The following MICU1 variants were observed in gnomAD, a reference collection of about 807,000 sequenced individuals.
MICU1 encodes mitochondrial calcium uptake 1.
A neutral mutation model predicts 56.8 loss-of-function variants in MICU1; 45 were observed. The observed-to-expected ratio is 0.79, with a 90% CI of 0.62 to 1.02. The LOEUF (loss-of-function observed/expected upper bound fraction) is 1.02, where lower values mean the gene tolerates loss of function less well. MICU1 is among the 50% of genes least tolerant of loss of function. MICU1 has a pLI of 0.00. For synonymous variants in MICU1, 186 were observed against 195.1 expected, an observed-to-expected ratio of 0.95 and a Z score of 0.39; for missense variants, 504 against 587.1, an observed-to-expected ratio of 0.86 and a Z score of 1.46.
chr10:72,458,148 A>G (rs1016465035), intron 8 of MICU1, among the ~76,000 whole-genome samples: 1 of 151,966 alleles, frequency 6.6e-6, no homozygotes, highest in East Asian at 1.9e-4. Flanking sequence ...CCTGGGCAAC[A>G]AGAGTAAAAA....
intron 1 of MICU1, among the ~76,000 whole-genome samples, chr10:72,610,696 A>C (rs985500252): frequency 2.0e-5 from 3 of 152,204 alleles, no homozygotes; most frequent in Non-Finnish European, 4.4e-5. Flanking sequence ...ATAAACACAC[A>C]GACATCACTG....
At chr10:72,575,438 G>A (rs542309198) in intron 1 of MICU1, among the ~76,000 whole-genome samples, 9 of 152,118 alleles carry the variant, frequency 5.9e-5, no homozygotes, top group African/African-American at 2.2e-4. Flanking sequence ...TTCAAATAAA[G>A]GCATACCTCA....
In MICU1 at chr10:72,566,617, G is replaced by A. The variant is rs1225716687; in HGVS notation, c.161+16C>T. 3 of 1,606,152 alleles carry A rather than the reference G, an allele frequency of 1.9e-6. No individual in the cohort carries two copies. Among genetic ancestry groups the A allele is most frequent in the East Asian group, 2.2e-5 (1 of 44,712 alleles). On this transcript the variant is annotated intron_variant, in intron 2 of 11. Coordinates refer to ENST00000361114, the MANE Select transcript of MICU1 (RefSeq NM_001195518.2). ...TAAAAGTATACGCAAGAACAAGATG[G>A]TTGGATAACACTCACCTCTTCCACA...
rs71018289 is a variant in MICU1 at position 72,448,193 on chromosome 10, ATTT to A, written c.934-24825_934-24823del. Among the ~76,000 whole-genome samples the A allele has an allele frequency of 8.2e-3, 301 of 36,796 alleles. 2 individuals carry two copies. The highest frequency in any genetic ancestry group is 0.038 in the Middle Eastern group (1 of 26). The allele number at this position is 36,796 out of a possible 152,430, so 24.1% of individuals were successfully genotyped here. A position where few individuals can be genotyped will look rare whatever the true frequency, so the allele number is the denominator to read the frequency against. On this transcript the variant is annotated intron_variant, in intron 8 of 11. Transcript: ENST00000361114. ...TGTGTGTATATATATATATATATAT[ATTT>A]TTTTTTTTTTTTTTTTTTTTTGAGA... is the stretch of plus-strand genomic sequence containing the variant.
At chr10:72,373,503 T>C (rs1434792339) in intron 11 of MICU1, among the ~76,000 whole-genome samples, 3 of 152,182 alleles carry the variant, frequency 2.0e-5, no homozygotes, top group Non-Finnish European at 4.4e-5. Flanking sequence ...CCTAAGATCT[T>C]GCAGTGGTAA....
intron 9 of MICU1, among the ~76,000 whole-genome samples, chr10:72,415,298 G>A (rs776873132): frequency 2.4e-4 from 36 of 152,090 alleles, no homozygotes; most frequent in Non-Finnish European, 4.6e-4. Flanking sequence ...TTACAGGCGT[G>A]AGTCACTGCG....
rs150908176 is a variant in MICU1 at position 72,597,323 on chromosome 10, T to C, written c.-2+28687A>G. On this transcript the variant is annotated intron_variant, in intron 1 of 11. Transcript: ENST00000361114. ...ACTTGAAATCTTTCATCTGTTTCAG[T>C]ATATGTCATCCCTACGTAGCTATGG... Among the ~76,000 whole-genome samples the C allele has an allele frequency of 1.2e-3, 187 of 152,286 alleles. 1 individual carries two copies. Among genetic ancestry groups the C allele is most frequent in the African/African-American group, 4.0e-3 (168 of 41,570 alleles).
intron 8 of MICU1, 98 bp downstream of exon 8, chr10:72,475,002 T>A: frequency 9.7e-7 from 1 of 1,035,946 alleles, no homozygotes; most frequent in South Asian, 1.7e-5. Flanking sequence ...CAATCAGTTC[T>A]CACAGCTGGA....
chr10:72,586,019 T>C (rs1841047570), intron 1 of MICU1, among the ~76,000 whole-genome samples: 1 of 131,650 alleles, frequency 7.6e-6, no homozygotes, highest in Non-Finnish European at 1.6e-5. Flanking sequence ...TTTTCTTTTT[T>C]TTTTTTTTTT....
chr10:72,490,456 T>C (rs952676956), intron 6 of MICU1, among the ~76,000 whole-genome samples: 4 of 152,208 alleles, frequency 2.6e-5, no homozygotes, highest in Non-Finnish European at 5.9e-5. Context: ...ACTGTAGATC[T>C]GAATTAGCTC....
chr10:72,529,950 T>C, intron 5 of MICU1, among the ~76,000 whole-genome samples: 1 of 147,082 alleles, frequency 6.8e-6, no homozygotes, highest in East Asian at 1.9e-4. Context: ...AAGGTGCTTT[T>C]TTTTTTTTTT....
Position 72,421,002 on chromosome 10 carries a change from C to CAAA in MICU1, c.1071+2229_1071+2231dup, listed in dbSNP as rs34221911. 9.2e-4 allele frequency among the ~76,000 whole-genome samples: 100 copies of CAAA among 108,400 alleles called. 1 individual carries two copies. Among genetic ancestry groups the CAAA allele is most frequent in the South Asian group, 1.5e-3 (5 of 3,446 alleles). The allele number at this position is 108,400 out of a possible 152,430, so 71.1% of individuals were successfully genotyped here. ...GGGCAACAAGAGCGAAACTCCGTCT[C>CAAA]AAAAAAAAAAAAAAAATAATAATAA... On this transcript the variant is annotated intron_variant, in intron 9 of 11. Coordinates refer to ENST00000361114, the MANE Select transcript of MICU1 (RefSeq NM_001195518.2).
At chr10:72,435,359 C>T (rs1051462947) in intron 8 of MICU1, among the ~76,000 whole-genome samples, 2 of 146,364 alleles carry the variant, frequency 1.4e-5, no homozygotes, top group Non-Finnish European at 3.0e-5. Flanking sequence ...CTGCACTCCA[C>T]CCTGGGCCAG....
At chr10:72,494,530 G>A (rs1411724006) in intron 6 of MICU1, among the ~76,000 whole-genome samples, 1 of 151,998 alleles carries the variant, frequency 6.6e-6, no homozygotes, top group African/African-American at 2.4e-5. Flanking sequence ...GTTACTATAA[G>A]CTTATTATCA....
At chr10:72,385,588 T>A (rs9664616) in intron 10 of MICU1, among the ~76,000 whole-genome samples, 78,778 of 151,994 alleles carry the variant, frequency 0.52, 21,981 homozygotes, top group Non-Finnish European at 0.65. Flanking sequence ...TAAATCAGTT[T>A]AAATGTCCCT....
At chr10:72,547,533 G>GTGTA (rs140031218) in intron 4 of MICU1, among the ~76,000 whole-genome samples, 104 of 146,188 alleles carry the variant, frequency 7.1e-4, no homozygotes, top group Non-Finnish European at 9.9e-4. Context: ...ATACACATAT[G>GTGTA]TATATATATA....
At chr10:72,592,050 T>G (rs7900276) in intron 1 of MICU1, among the ~76,000 whole-genome samples, 1 of 148,020 alleles carries the variant, frequency 6.8e-6, no homozygotes. Context: ...CGCTCTGTCA[T>G]CCAGGCCGGA....
At chr10:72,519,661 G>C (rs1035078775) in intron 5 of MICU1, among the ~76,000 whole-genome samples, 3 of 152,164 alleles carry the variant, frequency 2.0e-5, no homozygotes, top group Admixed American at 2.0e-4. Context: ...ACTCATGAGC[G>C]CTAAGTGTGC....
At chr10:72,424,282 T>C (rs985215791) in intron 8 of MICU1, among the ~76,000 whole-genome samples, 5 of 151,990 alleles carry the variant, frequency 3.3e-5, no homozygotes, top group African/African-American at 7.3e-5. Flanking sequence ...CTGGCTAATT[T>C]TTGTATTTTT....
Sources: allele counts gnomAD v4.1 joint callset (sites outside exome capture counted in the v4.1 genomes callset), GRCh38; gene constraint gnomAD v4.1.1; transcripts MANE v1.5; gene names NCBI Gene and HGNC (gene_info 2026-07-23, HGNC 2026-07-21).